PRR16: variants seen among roughly 807,000 people sequenced by gnomAD.
PRR16 encodes proline rich 16.
A neutral mutation model predicts 18.2 loss-of-function variants in PRR16; 6 were observed. That is an observed-to-expected ratio of 0.33 (90% CI 0.18 to 0.65). The LOEUF is 0.65. Among genes scored for constraint, PRR16 ranks in the 30% least tolerant of loss-of-function variants. The pLI is 0.74. For synonymous variants in PRR16, 151 were observed against 147.8 expected (o/e 1.02, Z -0.16); for missense variants, 412 against 376.6 (o/e 1.09, Z -0.78).
At chr5:120,514,218 G>C (rs568479639) in intron 1 of PRR16, among the ~76,000 whole-genome samples, 17 of 152,262 alleles carry the variant, frequency 1.1e-4, no homozygotes, top group African/African-American at 3.4e-4. Context: ...GTAAAAAGGA[G>C]CAGGCAGCAC....
chr5:120,695,850 G>T, the PRR16 span, among the ~76,000 whole-genome samples: 1 of 151,846 alleles, frequency 6.6e-6, no homozygotes, highest in East Asian at 1.9e-4. Context: ...CGTTTTGTAA[G>T]CCTTGCTCTG....
intron 1 of PRR16, among the ~76,000 whole-genome samples, chr5:120,533,222 T>C (rs1444424046): frequency 6.6e-6 from 1 of 152,168 alleles, no homozygotes; most frequent in Non-Finnish European, 1.5e-5. Context: ...GGAATCAAAT[T>C]TGGTAATTAC....
At chr5:120,786,166 GTC>G in the PRR16 span, among the ~76,000 whole-genome samples, 2 of 148,208 alleles carry the variant, frequency 1.3e-5, no homozygotes, top group Non-Finnish European at 3.0e-5. Context: ...ACAAAATCTT[GTC>G]TGTTTGGTAA....
chr5:120,645,041 C>G (rs1755542376), intron 1 of PRR16, among the ~76,000 whole-genome samples: 1 of 152,088 alleles, frequency 6.6e-6, no homozygotes, highest in African/African-American at 2.4e-5. Context: ...CTTGTTATCT[C>G]TGGAGGTCAG....
chr5:120,683,998 A>G (rs1757048366), intron 1 of PRR16, among the ~76,000 whole-genome samples: 2 of 152,266 alleles, frequency 1.3e-5, no homozygotes, highest in South Asian at 2.1e-4. Context: ...TAGTCCATAC[A>G]GTAAATCATA....
At chr5:120,508,713 T>C (rs983861477) in intron 1 of PRR16, among the ~76,000 whole-genome samples, 1 of 152,122 alleles carries the variant, frequency 6.6e-6, no homozygotes, top group African/African-American at 2.4e-5. Context: ...TGCAAATATT[T>C]TACATTTTTA....
At chr5:120,741,824 C>A in the PRR16 span, among the ~76,000 whole-genome samples, 1 of 152,112 alleles carries the variant, frequency 6.6e-6, no homozygotes, top group African/African-American at 2.4e-5. Context: ...TGGTCCCCAG[C>A]TCTTGACCTC....
chr5:120,752,674 T>C, the PRR16 span, among the ~76,000 whole-genome samples: 1 of 151,966 alleles, frequency 6.6e-6, no homozygotes, highest in Non-Finnish European at 1.5e-5. Flanking sequence ...AAATATATTA[T>C]TTCTTTTATA....
At chr5:120,714,325 C>G in the PRR16 span, among the ~76,000 whole-genome samples, 2 of 152,110 alleles carry the variant, frequency 1.3e-5, no homozygotes, top group Admixed American at 6.6e-5. Context: ...CTTTTGCCAA[C>G]ATTGACTTGG....
At chr5:120,744,611 T>C in the PRR16 span, among the ~76,000 whole-genome samples, 2 of 152,206 alleles carry the variant, frequency 1.3e-5, no homozygotes, top group Non-Finnish European at 2.9e-5. Context: ...CTGTTAAAAT[T>C]TTCAATGTAA....
chr5:120,540,123 A>C (rs922793851), intron 1 of PRR16, among the ~76,000 whole-genome samples: 1 of 152,192 alleles, frequency 6.6e-6, no homozygotes, highest in African/African-American at 2.4e-5. Flanking sequence ...AAAAGACAGC[A>C]GTAACAGTGT....
At chr5:120,728,597 T>C in the PRR16 span, among the ~76,000 whole-genome samples, 5 of 152,156 alleles carry the variant, frequency 3.3e-5, no homozygotes, top group African/African-American at 7.2e-5. Context: ...TTGAGCTTTC[T>C]AGTTTTGTTT....
intron 1 of PRR16, among the ~76,000 whole-genome samples, chr5:120,655,760 C>T (rs1456420213): frequency 6.7e-6 from 1 of 149,616 alleles, no homozygotes; most frequent in Non-Finnish European, 1.5e-5. Flanking sequence ...TGAATGCAAC[C>T]CATATTTTCA....
At chr5:120,687,757 G>GAT (rs1436450391), downstream of PRR16, among the ~76,000 whole-genome samples, 1 of 152,166 alleles carries the variant, frequency 6.6e-6, no homozygotes, top group Admixed American at 6.6e-5. Context: ...AAGATACCAT[G>GAT]GGCCGTTGCT....
At chr5:120,760,816 A>G in the PRR16 span, among the ~76,000 whole-genome samples, 2 of 152,126 alleles carry the variant, frequency 1.3e-5, no homozygotes, top group African/African-American at 4.8e-5. Flanking sequence ...AGTTTGATAT[A>G]CATTACAGCA....
intron 1 of PRR16, among the ~76,000 whole-genome samples, chr5:120,639,084 A>C (rs1755339824): frequency 6.6e-6 from 1 of 152,118 alleles, no homozygotes; most frequent in Non-Finnish European, 1.5e-5. Flanking sequence ...GCTGTCTTCT[A>C]ACTCAGAACA....
At chr5:120,778,915 T>G in the PRR16 span, among the ~76,000 whole-genome samples, 1 of 152,160 alleles carries the variant, frequency 6.6e-6, no homozygotes, top group Non-Finnish European at 1.5e-5. Context: ...TTGTTATTAC[T>G]TGTTTCAAGT....
chr5:120,626,486 T>A (rs1270837700), intron 1 of PRR16, among the ~76,000 whole-genome samples: 1 of 152,154 alleles, frequency 6.6e-6, no homozygotes, highest in Non-Finnish European at 1.5e-5. Flanking sequence ...GCATGAGGGA[T>A]CTTTTGCAGG....
chr5:120,504,596 GTGATCAT>G (rs757233370), intron 1 of PRR16, among the ~76,000 whole-genome samples: 10 of 152,230 alleles, frequency 6.6e-5, no homozygotes, highest in Middle Eastern at 3.4e-3. Context: ...GACATGGGCG[GTGATCAT>G]TGATGTAAGA....
Sources: gnomAD v4.1 joint callset for allele counts (sites outside exome capture counted in the v4.1 genomes callset) on GRCh38, gnomAD v4.1.1 for gene constraint, MANE v1.5 for transcripts, NCBI Gene and HGNC (gene_info 2026-07-23, HGNC 2026-07-21) for gene names.